TRPM3: variants seen among roughly 807,000 people sequenced by gnomAD.
The protein encoded by TRPM3 is long transient receptor potential channel 3.
In TRPM3, 77 loss-of-function variants were observed where a neutral mutation model predicts 181.2. That is an observed-to-expected ratio of 0.42 (90% CI 0.35 to 0.51). The LOEUF is 0.51. TRPM3 is among the 20% of genes least tolerant of loss of function. The probability of loss-of-function intolerance (pLI) is 0.01; values close to 1 mark genes in which losing one functional copy is unlikely to be tolerated. For synonymous variants in TRPM3, 745 were observed against 796.4 expected, an observed-to-expected ratio of 0.94 and a Z score of 1.09; for missense variants, 1,759 against 2,196.7, an observed-to-expected ratio of 0.80 and a Z score of 3.98.
chr9:71,065,176 T>C (rs563799835), intron 1 of TRPM3, among the ~76,000 whole-genome samples: 2 of 152,258 alleles, frequency 1.3e-5, no homozygotes, highest in Admixed American at 1.3e-4. Flanking sequence ...TTGAGTTTTA[T>C]TGTAGAAGGT....
intron 6 of TRPM3, among the ~76,000 whole-genome samples, chr9:70,790,871 T>C (rs1477235971): frequency 2.0e-5 from 3 of 152,206 alleles, no homozygotes; most frequent in Non-Finnish European, 2.9e-5. Flanking sequence ...ACTGTGGAAA[T>C]ATTATTGTAC....
At chr9:71,212,414 T>C (rs2079563403) in intron 1 of TRPM3, among the ~76,000 whole-genome samples, 1 of 152,006 alleles carries the variant, frequency 6.6e-6, no homozygotes. Context: ...AATCAGTGTA[T>C]TATTGGTGTT....
Position 71,121,411 on chromosome 9 carries a change from G to A in TRPM3, c.-57C>T, listed in dbSNP as rs1232423344. On this transcript the variant is annotated 5_prime_UTR_variant, in exon 1 of 26. Coordinates refer to ENST00000677713, the MANE Select transcript of TRPM3 (RefSeq NM_001366145.2). ...TTAGGGCAGAGGCTTCCTGGAACTTGGAAGACTAGTCAAGTAGCCTTGCCT... is the reference window on the plus strand; with the variant it reads ...TTAGGGCAGAGGCTTCCTGGAACTTAGAAGACTAGTCAAGTAGCCTTGCCT... 8.2e-6 allele frequency: 13 copies of A among 1,579,716 alleles called. No homozygotes were observed. The highest frequency in any genetic ancestry group is 1.1e-5 in the Non-Finnish European group (13 of 1,164,446).
intron 1 of TRPM3, among the ~76,000 whole-genome samples, chr9:71,361,153 A>G (rs1204296989): frequency 6.6e-6 from 1 of 151,986 alleles, no homozygotes; most frequent in Non-Finnish European, 1.5e-5. Flanking sequence ...CGCCCAGCTA[A>G]TTTTTGTATT....
chr9:70,847,811 A>AGTGT (rs983772366), intron 3 of TRPM3, among the ~76,000 whole-genome samples: 2 of 152,044 alleles, frequency 1.3e-5, no homozygotes, highest in African/African-American at 2.4e-5. Context: ...TCACACTATC[A>AGTGT]GTGTGGTTTA....
chr9:71,273,738 A>G (rs887103601), intron 1 of TRPM3, among the ~76,000 whole-genome samples: 1 of 152,196 alleles, frequency 6.6e-6, no homozygotes, highest in African/African-American at 2.4e-5. Context: ...TGACAAATGT[A>G]TGCAACTTTT....
At chr9:71,444,008 A>C (rs1480699664) in intron 1 of TRPM3, among the ~76,000 whole-genome samples, 1 of 151,912 alleles carries the variant, frequency 6.6e-6, no homozygotes, top group East Asian at 1.9e-4. Context: ...GTGAAACCCC[A>C]TCTCTACCAA....
intron 1 of TRPM3, among the ~76,000 whole-genome samples, chr9:70,956,426 G>T (rs948615787): frequency 1.3e-5 from 2 of 150,240 alleles, no homozygotes; most frequent in African/African-American, 4.9e-5. Context: ...AAGTCTGCAA[G>T]GCAAATGGAA....
At chr9:71,274,560 T>C (rs1314112555) in intron 1 of TRPM3, among the ~76,000 whole-genome samples, 1 of 152,232 alleles carries the variant, frequency 6.6e-6, no homozygotes, top group Non-Finnish European at 1.5e-5. Flanking sequence ...TGTCAGTAAC[T>C]GTGTTGCTCT....
intron 17 of TRPM3, among the ~76,000 whole-genome samples, chr9:70,616,975 C>T (rs562997451): frequency 1.3e-5 from 2 of 152,302 alleles, no homozygotes; most frequent in African/African-American, 4.8e-5. Flanking sequence ...GGGCACAAGA[C>T]TTCTGAAGAT....
chr9:71,026,319 C>A (rs891924110), intron 1 of TRPM3, among the ~76,000 whole-genome samples: 10 of 152,138 alleles, frequency 6.6e-5, no homozygotes, highest in Non-Finnish European at 1.5e-5. Flanking sequence ...CCTGGCTGCA[C>A]CTGCATGCAG....
At chr9:71,265,526 G>A (rs893906705) in intron 1 of TRPM3, among the ~76,000 whole-genome samples, 2 of 152,186 alleles carry the variant, frequency 1.3e-5, no homozygotes, top group Admixed American at 1.3e-4. Context: ...TATACATCAA[G>A]TCAACCAAAT....
chr9:71,186,308 T>G (rs2077676633), intron 1 of TRPM3, among the ~76,000 whole-genome samples: 1 of 152,004 alleles, frequency 6.6e-6, no homozygotes, highest in Non-Finnish European at 1.5e-5. Flanking sequence ...CCTAGGTTAT[T>G]TACTATATCA....
rs145475945 is a variant in TRPM3, at chr9:70,877,164, G to T, written c.178-12653C>A. Among the ~76,000 whole-genome samples, 730 of 152,020 alleles carry T rather than the reference G, an allele frequency of 4.8e-3. 7 individuals carry two copies. Among genetic ancestry groups the T allele is most frequent in the Middle Eastern group, 0.01 (3 of 294 alleles). The stretch of plus-strand genomic sequence containing the variant: ...CTCCCACACTCCACAATCATTCAAT[G>T]ATTTCATATTACTTTCAAAATAGAG... On this transcript the variant is annotated intron_variant, in intron 1 of 25. Coordinates refer to ENST00000677713, the MANE Select transcript of TRPM3 (RefSeq NM_001366145.2).
intron 1 of TRPM3, among the ~76,000 whole-genome samples, chr9:71,036,339 G>C (rs1023265497): frequency 3.9e-5 from 6 of 152,122 alleles, no homozygotes; most frequent in African/African-American, 1.4e-4. Context: ...TGAACCTCCA[G>C]GTCACCTATG....
intron 1 of TRPM3, among the ~76,000 whole-genome samples, chr9:71,217,013 C>T (rs918302196): frequency 7.7e-6 from 1 of 129,390 alleles, no homozygotes; most frequent in Non-Finnish European, 1.6e-5. Context: ...TGCAGTGGCG[C>T]GATCTCGGCT....
chr9:70,566,312 C>G (rs1213392329), intron 22 of TRPM3, among the ~76,000 whole-genome samples: 3 of 151,988 alleles, frequency 2.0e-5, no homozygotes, highest in East Asian at 3.9e-4. Context: ...CTAAGTGGCT[C>G]TCTGGGGAAA....
chr9:71,028,612 A>C (rs538913198), intron 1 of TRPM3, among the ~76,000 whole-genome samples: 18 of 151,844 alleles, frequency 1.2e-4, no homozygotes, highest in Non-Finnish European at 2.2e-4. Context: ...TAAAGGGATC[A>C]TGAAAAATCT....
In TRPM3 at chr9:71,301,507, G is replaced by C. The variant is rs940459886; in HGVS notation, c.183+145146C>G. The stretch of plus-strand genomic sequence containing the variant: ...ACTGAAGCCATATATACAAGACTCA[G>C]ACTAAATATATCATATGGCAAAACG... On this transcript the variant is annotated intron_variant, in intron 1 of 24. Coordinates refer to the TRPM3 transcript ENST00000357533. Among the ~76,000 whole-genome samples, 5 of 152,048 alleles carry C rather than the reference G, an allele frequency of 3.3e-5. 1 individual carries two copies. The highest frequency in any genetic ancestry group is 2.6e-4 in the Admixed American group (4 of 15,258).
Sources: allele counts gnomAD v4.1 joint callset (sites outside exome capture counted in the v4.1 genomes callset), GRCh38; gene constraint gnomAD v4.1.1; transcripts MANE v1.5; gene names NCBI Gene and HGNC (gene_info 2026-07-23, HGNC 2026-07-21).